The following SHISA6 variants were observed in gnomAD, a reference collection of about 807,000 sequenced individuals.
The protein encoded by SHISA6 is protein shisa-6.
In SHISA6, 22 loss-of-function variants were observed where a neutral mutation model predicts 47.9. The ratio of observed to expected loss-of-function variants is 0.46; its 90% confidence interval spans 0.33 to 0.66. SHISA6 has a LOEUF of 0.66. Ranked by LOEUF, SHISA6 falls within the 30% of genes least tolerant of loss-of-function variation. The pLI is 0.02. For synonymous variants in SHISA6, 388 were observed against 337.8 expected, an observed-to-expected ratio of 1.15 and a Z score of -1.63; for missense variants, 680 against 764.6, an observed-to-expected ratio of 0.89 and a Z score of 1.30.
rs536123678 is a variant in SHISA6, at chr17:11,465,667, C to T, written c.895+86158C>T. On this transcript the variant is annotated intron_variant, in intron 3 of 5. Coordinates refer to ENST00000441885, the MANE Select transcript of SHISA6 (RefSeq NM_207386.4). ...CATGGCGCACACCTCCACTCACATC[C>T]TGGCCCTCCTCTGCCTGATCTCACT... Among the ~76,000 whole-genome samples, 102 of 152,314 alleles carry T rather than the reference C, an allele frequency of 6.7e-4. No homozygotes were observed. In the Middle Eastern group the frequency reaches 0.01, roughly 15 times the overall value.
At chr17:11,244,153 C>T (rs147328524) in intron 1 of SHISA6, among the ~76,000 whole-genome samples, 5 of 152,222 alleles carry the variant, frequency 3.3e-5, no homozygotes, top group East Asian at 1.9e-4. Flanking sequence ...AGAGTAACCA[C>T]GGGAAGGGAG....
intron 3 of SHISA6, among the ~76,000 whole-genome samples, chr17:11,414,233 C>T (rs1175751707): frequency 6.6e-6 from 1 of 152,084 alleles, no homozygotes; most frequent in Non-Finnish European, 1.5e-5. Flanking sequence ...AAAGACAGGC[C>T]AGGGAAGAAA....
rs1458571854 is a variant in SHISA6, at chr17:11,241,583, G to A, written c.161G>A (p.Gly54Asp). 6.1e-5 allele frequency: 70 copies of A among 1,143,858 alleles called. No homozygotes were observed. The highest frequency in any genetic ancestry group is 7.3e-4 in the Middle Eastern group (2 of 2,724). 70.9% of individuals were successfully genotyped at this position (1,143,858 alleles called of 1,614,324 possible). A position where few individuals can be genotyped will look rare whatever the true frequency, so the allele number is the denominator to read the frequency against. Residue 54 changes from glycine to aspartate, a missense_variant, in exon 1 of 6, where the codon GGC (glycine) becomes GAC (aspartate). Transcript: ENST00000441885. The surrounding 1 kb of genome is among the most constrained non-coding windows in gnomAD (Gnocchi z 5.5). The stretch of plus-strand genomic sequence containing the variant: ...AGGGCCGGGGGCGCCCTGGCACGGG[G>A]CGGCCGCGAGCTGAACGGCACCGCC... ...GRRAGGALAR[G>D]GRELNGTARA...
At chr17:11,317,861 CT>C (rs34157727) in intron 2 of SHISA6, among the ~76,000 whole-genome samples, 111,330 of 151,326 alleles carry the variant, frequency 0.74, 41,102 homozygotes, top group Middle Eastern at 0.77. Context: ...TTTTTGTTAA[CT>C]TTTTTTATTA....
chr17:11,304,933 G>A (rs1424139984), intron 2 of SHISA6, among the ~76,000 whole-genome samples: 1 of 152,196 alleles, frequency 6.6e-6, no homozygotes, highest in Non-Finnish European at 1.5e-5. Flanking sequence ...AAGCAGTGCT[G>A]TGATAGTTCC....
At chr17:11,472,551 GTTTA>G (rs1204021877) in intron 3 of SHISA6, among the ~76,000 whole-genome samples, 32 of 152,150 alleles carry the variant, frequency 2.1e-4, no homozygotes, top group Admixed American at 2.0e-3. Context: ...ATGTACCACA[GTTTA>G]TTTATCCATT....
rs1401847191 is a variant in SHISA6 at position 11,561,362 on chromosome 17, C to G, written c.*3058C>G. The G allele has an allele frequency of 6.6e-6, 1 of 152,428 alleles. No individual in the cohort carries two copies. Among genetic ancestry groups the G allele is most frequent in the African/African-American group, 2.4e-5 (1 of 41,468 alleles). The allele number at this position is 152,428 out of a possible 1,614,324, so 9.4% of individuals were successfully genotyped here. A position where few individuals can be genotyped will look rare whatever the true frequency, so the allele number is the denominator to read the frequency against. On this transcript the variant is annotated 3_prime_UTR_variant, in exon 6 of 6. Transcript: ENST00000441885. ...TTCTCTCCTGCCCTGAAAGTTCTGC[C>G]TGGTTTCCTTGGCCTCTGATGGCAT...
At chr17:11,492,983 G>A (rs1244198370) in intron 3 of SHISA6, among the ~76,000 whole-genome samples, 1 of 152,156 alleles carries the variant, frequency 6.6e-6, no homozygotes, top group Non-Finnish European at 1.5e-5. Flanking sequence ...AGGGAACTTG[G>A]AGATTGGCCA....
chr17:11,485,430 G>C (rs1916323202), intron 3 of SHISA6, among the ~76,000 whole-genome samples: 1 of 152,192 alleles, frequency 6.6e-6, no homozygotes, highest in Admixed American at 6.5e-5. Flanking sequence ...CTAGCTTCCA[G>C]GTGATTAGTG....
intron 2 of SHISA6, among the ~76,000 whole-genome samples, chr17:11,376,630 T>C (rs1054907043): frequency 6.6e-6 from 1 of 152,194 alleles, no homozygotes; most frequent in African/African-American, 2.4e-5. Flanking sequence ...GGCCTGGGGC[T>C]TCCCTTTTAA....
chr17:11,452,920 C>T (rs1915442786), intron 3 of SHISA6, among the ~76,000 whole-genome samples: 2 of 150,244 alleles, frequency 1.3e-5, no homozygotes, highest in South Asian at 2.1e-4. Context: ...TTCTTCTCCT[C>T]CCCCTTCTCC....
intron 2 of SHISA6, among the ~76,000 whole-genome samples, chr17:11,300,162 A>G (rs991538287): frequency 2.0e-5 from 3 of 151,776 alleles, no homozygotes; most frequent in East Asian, 1.9e-4. Flanking sequence ...AAAAAAAAAA[A>G]AAAGAAAAAC....
chr17:11,515,607 G>A (rs542241751), intron 3 of SHISA6, among the ~76,000 whole-genome samples: 1 of 152,268 alleles, frequency 6.6e-6, no homozygotes, highest in East Asian at 1.9e-4. Context: ...CCTACGAAGA[G>A]CTCTGGGGCA....
intron 2 of SHISA6, among the ~76,000 whole-genome samples, chr17:11,272,212 G>A (rs1396716945): frequency 6.6e-6 from 1 of 152,038 alleles, no homozygotes; most frequent in African/African-American, 2.4e-5. Context: ...AACACATTTG[G>A]GTCCTTATGG....
intron 2 of SHISA6, among the ~76,000 whole-genome samples, chr17:11,374,606 C>G (rs1198187109): frequency 6.6e-6 from 1 of 151,856 alleles, no homozygotes; most frequent in Non-Finnish European, 1.5e-5. Context: ...GAAAGCTTTT[C>G]TATTCTCCTT....
chr17:11,311,497 A>G (rs1240779108), intron 2 of SHISA6, among the ~76,000 whole-genome samples: 1 of 152,178 alleles, frequency 6.6e-6, no homozygotes, highest in Non-Finnish European at 1.5e-5. Flanking sequence ...TACTAGTCCA[A>G]TGAATTGGAA....
intron 1 of SHISA6, among the ~76,000 whole-genome samples, chr17:11,255,607 G>A (rs1163161088): frequency 6.6e-6 from 1 of 152,208 alleles, no homozygotes; most frequent in African/African-American, 2.4e-5. Flanking sequence ...GGCTGTCAAA[G>A]TCCAAGTTCA....
intron 2 of SHISA6, among the ~76,000 whole-genome samples, chr17:11,307,348 G>C (rs77906119): frequency 6.6e-6 from 1 of 152,100 alleles, no homozygotes; most frequent in Non-Finnish European, 1.5e-5. Flanking sequence ...TTAGCTTGGG[G>C]AGCTAGGTTT....
chr17:11,263,346 G>A lies in SHISA6; in HGVS notation c.639-20G>A. The A allele has an allele frequency of 6.4e-7, 1 of 1,551,462 alleles. No individual in the cohort carries two copies. On this transcript the variant is annotated intron_variant, in intron 1 of 5. Transcript: ENST00000441885. ...ACACCTGCTCAGTGAATCTCATTAT[G>A]TGATCTCCTCCTTGTTTAGGGCTCT...
Sources: allele counts gnomAD v4.1 joint callset (sites outside exome capture counted in the v4.1 genomes callset), GRCh38; gene constraint gnomAD v4.1.1; non-coding constraint Gnocchi (gnomAD v3.1); transcripts MANE v1.5; gene names NCBI Gene and HGNC (gene_info 2026-07-23, HGNC 2026-07-21).